Variants in DUSP14 observed in about 807,000 individuals in gnomAD.
DUSP14 encodes the protein dual specificity phosphatase 14, also known as dual specificity protein phosphatase 14.
A neutral mutation model predicts 13.2 loss-of-function variants in DUSP14; 5 were observed. The ratio of observed to expected loss-of-function variants is 0.38; its 90% CI spans 0.20 to 0.80. DUSP14 has a LOEUF of 0.80. Among genes scored for constraint, DUSP14 ranks in the 30% least tolerant of loss-of-function variants. The probability of loss-of-function intolerance (pLI) is 0.44; values close to 1 mark genes in which losing one functional copy is unlikely to be tolerated. For missense variants in DUSP14, 185 were observed against 264.0 expected (o/e 0.70, Z 2.07); for synonymous variants, 91 against 103.4 (o/e 0.88, Z 0.73).
At chr17:37,493,963 C>G (rs1324453839) in intron 1 of DUSP14, among the ~76,000 whole-genome samples, 2 of 151,478 alleles carry the variant, frequency 1.3e-5, no homozygotes, top group East Asian at 1.9e-4. Flanking sequence ...ACCACAGACT[C>G]TGTGCTACAG....
rs1285743863 is a variant in DUSP14 at position 37,495,915 on chromosome 17, C to T, written c.-181+5957C>T. 7.2e-4 allele frequency among the ~76,000 whole-genome samples: 110 copies of T among 152,142 alleles called. 1 individual carries two copies. The highest frequency in any genetic ancestry group is 1.0e-4 in the Non-Finnish European group (7 of 68,016). On this transcript the variant is annotated intron_variant, in intron 1 of 2. Transcript: ENST00000617516. ...CCTCGTGATCCACCTGCCTCGGACC[C>T]CCAAAGTGCTGGGATTACAGGCATG...
rs1177263369 is a variant in DUSP14, at chr17:37,512,270, T to C, written c.-3T>C. 1 of 1,590,324 alleles carries C rather than the reference T, an allele frequency of 6.3e-7. No individual in the cohort carries two copies. Among genetic ancestry groups the C allele is most frequent in the Non-Finnish European group, 8.6e-7 (1 of 1,164,816 alleles). On this transcript the variant is annotated 5_prime_UTR_variant, in exon 3 of 3. Coordinates refer to ENST00000617516, the MANE Select transcript of DUSP14 (RefSeq NM_007026.4). This position sits in a 1 kb window ranked among gnomAD's most constrained non-coding sequence, Gnocchi z 4.8. Reference sequence around the variant, plus strand: ...CGATGCAAGTGTGACTGCTGGCGTCTTCATGAGCTCCAGAGGTCACAGCAC... The same window carrying C: ...CGATGCAAGTGTGACTGCTGGCGTCCTCATGAGCTCCAGAGGTCACAGCAC...
chr17:37,498,674 C>A (rs564542844), intron 1 of DUSP14, among the ~76,000 whole-genome samples: 33 of 80,796 alleles, frequency 4.1e-4, no homozygotes, highest in African/African-American at 1.8e-3. Flanking sequence ...TGAAAGTAAT[C>A]AGTTTTTTTT....
intron 1 of DUSP14, among the ~76,000 whole-genome samples, chr17:37,498,222 T>C (rs1023454323): frequency 4.6e-5 from 7 of 152,068 alleles, no homozygotes; most frequent in Admixed American, 2.6e-4. Flanking sequence ...ATTTAGTGTT[T>C]TACAGAGCTT....
intron 1 of DUSP14, among the ~76,000 whole-genome samples, chr17:37,508,280 C>T (rs368419079): frequency 2.1e-5 from 3 of 146,312 alleles, no homozygotes; most frequent in Admixed American, 7.4e-5. Context: ...GACGTGCCCC[C>T]GACCCGCAGC....
At chr17:37,498,045 C>CA (rs1209927173) in intron 1 of DUSP14, among the ~76,000 whole-genome samples, 437 of 116,782 alleles carry the variant, frequency 3.7e-3, no homozygotes, top group Admixed American at 8.4e-3. Context: ...GACCCTGTCT[C>CA]AAAAAAAAAA....
At chr17:37,496,475 G>T (rs2054065672) in intron 1 of DUSP14, among the ~76,000 whole-genome samples, 1 of 152,098 alleles carries the variant, frequency 6.6e-6, no homozygotes, top group African/African-American at 2.4e-5. Context: ...CGGGTGTTAG[G>T]CCGGGCACGG....
intron 1 of DUSP14, among the ~76,000 whole-genome samples, chr17:37,494,739 C>T (rs959869204): frequency 4.6e-5 from 7 of 152,144 alleles, no homozygotes; most frequent in African/African-American, 1.7e-4. Context: ...TGTGTTTCTG[C>T]CCTTAGAGCA....
chr17:37,494,728 CTG>C (rs1456092982), intron 1 of DUSP14, among the ~76,000 whole-genome samples: 1 of 152,190 alleles, frequency 6.6e-6, no homozygotes, highest in Non-Finnish European at 1.5e-5. Flanking sequence ...GTATTATGTG[CTG>C]TGTTTCTGCC....
intron 1 of DUSP14, among the ~76,000 whole-genome samples, chr17:37,491,805 G>T (rs188613775): frequency 2.6e-5 from 4 of 152,118 alleles, no homozygotes; most frequent in African/African-American, 7.2e-5. Context: ...AAGGCAAAAT[G>T]GATTAAAAAT....
At chr17:37,510,184 TC>T (rs989329928) in intron 1 of DUSP14, 1 of 152,270 alleles carries the variant, frequency 6.6e-6, no homozygotes, top group African/African-American at 2.4e-5. Context: ...GTCCTTAGCT[TC>T]CTGGTGCACA....
At chr17:37,491,142 C>T (rs1262856755) in intron 1 of DUSP14, among the ~76,000 whole-genome samples, 1 of 152,206 alleles carries the variant, frequency 6.6e-6, no homozygotes, top group African/African-American at 2.4e-5. Flanking sequence ...AACAAAGGTG[C>T]TGTATTCTTT....
At chr17:37,499,978 C>G (rs2054094639) in intron 1 of DUSP14, among the ~76,000 whole-genome samples, 1 of 152,234 alleles carries the variant, frequency 6.6e-6, no homozygotes, top group Non-Finnish European at 1.5e-5. Flanking sequence ...CAGCTGAAAA[C>G]TTCATCCCTC....
At chr17:37,489,632 A>G (rs1314571429), upstream of DUSP14, among the ~76,000 whole-genome samples, 1 of 152,098 alleles carries the variant, frequency 6.6e-6, no homozygotes, top group Middle Eastern at 3.4e-3. Context: ...TGTGTGAGGC[A>G]GGGTAAGAGA....
rs1299856638 is a variant in DUSP14, at chr17:37,513,247, A to G, written c.*378A>G. The G allele has an allele frequency of 1.4e-5, 3 of 213,832 alleles. No individual in the cohort carries two copies. The highest frequency in any genetic ancestry group is 3.0e-5 in the Non-Finnish European group (3 of 98,828). 13.2% of individuals were successfully genotyped at this position (213,832 alleles called of 1,614,324 possible). A position where few individuals can be genotyped will look rare whatever the true frequency, so the allele number is the denominator to read the frequency against. On this transcript the variant is annotated 3_prime_UTR_variant, in exon 3 of 3. Coordinates refer to ENST00000617516, the MANE Select transcript of DUSP14 (RefSeq NM_007026.4). ...TTGGGGCCTCATTAACCCTTTAGAG[A>G]CAAGCTTTGCCCCAGGCTGCGGACC... is the stretch of plus-strand genomic sequence containing the variant.
Position 37,512,876 on chromosome 17 carries a change from T to C in DUSP14, c.*7T>C, listed in dbSNP as rs1186041961. 3 of 1,590,992 alleles carry C rather than the reference T, an allele frequency of 1.9e-6. No homozygotes were observed. Among genetic ancestry groups the C allele is most frequent in the Non-Finnish European group, 1.7e-6 (2 of 1,162,606 alleles). On this transcript the variant is annotated 3_prime_UTR_variant, in exon 3 of 3. Transcript: ENST00000617516. The surrounding 1 kb of genome is among the most constrained non-coding windows in gnomAD (Gnocchi z 4.8). ...GCCTTACTGGGGGATTTAGTGCCACTGAAGCCTGCGTCAGCAGCCCGAGCG... is the reference window on the plus strand; with the variant it reads ...GCCTTACTGGGGGATTTAGTGCCACCGAAGCCTGCGTCAGCAGCCCGAGCG...
Position 37,512,265 on chromosome 17 carries a change from G to A in DUSP14, c.-8G>A. ...GCCAACGATGCAAGTGTGACTGCTG[G>A]CGTCTTCATGAGCTCCAGAGGTCAC... is the stretch of plus-strand genomic sequence containing the variant. On this transcript the variant is annotated 5_prime_UTR_variant, in exon 3 of 3. Coordinates refer to ENST00000617516, the MANE Select transcript of DUSP14 (RefSeq NM_007026.4). This position sits in a 1 kb window ranked among gnomAD's most constrained non-coding sequence, Gnocchi z 4.8. 2 of 1,585,148 alleles carry A rather than the reference G, an allele frequency of 1.3e-6. No homozygotes were observed. The highest frequency in any genetic ancestry group is 2.3e-5 in the South Asian group (2 of 88,270).
In DUSP14 at chr17:37,511,585, C is replaced by CT. The variant is rs533256343; in HGVS notation, c.-92-578dup. Reference sequence around the variant, plus strand: ...CATGAGCTACCTCACCTGGCCTTTCCTTTTTTTTTTTTTTTTTTAGAAGCT... The same window carrying CT: ...CATGAGCTACCTCACCTGGCCTTTCCTTTTTTTTTTTTTTTTTTTAGAAGCT... On this transcript the variant is annotated intron_variant, in intron 2 of 2. Coordinates refer to ENST00000617516, the MANE Select transcript of DUSP14 (RefSeq NM_007026.4). Among the ~76,000 whole-genome samples the CT allele has an allele frequency of 6.3e-3, 554 of 87,310 alleles. 19 individuals are homozygous for CT. Among genetic ancestry groups the CT allele is most frequent in the South Asian group, 8.8e-3 (21 of 2,380 alleles). The allele number at this position is 87,310 out of a possible 152,430, so 57.3% of individuals were successfully genotyped here.
intron 1 of DUSP14, among the ~76,000 whole-genome samples, chr17:37,496,150 C>T (rs2054063682): frequency 6.6e-6 from 1 of 152,176 alleles, no homozygotes; most frequent in Non-Finnish European, 1.5e-5. Context: ...AATGAAGACA[C>T]ACTTCATGTC....
Sources: allele counts gnomAD v4.1 joint callset (sites outside exome capture counted in the v4.1 genomes callset), GRCh38; gene constraint gnomAD v4.1.1; non-coding constraint Gnocchi (gnomAD v3.1); transcripts MANE v1.5; gene names NCBI Gene and HGNC (gene_info 2026-07-23, HGNC 2026-07-21).